The following SLC16A12 variants were observed in gnomAD, a reference collection of about 807,000 sequenced individuals.
The protein encoded by SLC16A12 is monocarboxylate transporter 12.
In SLC16A12, 17 loss-of-function variants were observed where a neutral mutation model predicts 42.4. The ratio of observed to expected loss-of-function variants is 0.40; its 90% CI spans 0.27 to 0.60. The LOEUF (loss-of-function observed/expected upper bound fraction) is 0.60, where lower values mean the gene tolerates loss of function less well. SLC16A12 is among the 20% of genes least tolerant of loss of function. The pLI is 0.42. For synonymous variants in SLC16A12, 224 were observed against 229.4 expected, an observed-to-expected ratio of 0.98 and a Z score of 0.21; for missense variants, 544 against 623.0, an observed-to-expected ratio of 0.87 and a Z score of 1.35.
chr10:89,521,892 T>A (rs1223062287), intron 2 of SLC16A12, among the ~76,000 whole-genome samples: 2 of 152,246 alleles, frequency 1.3e-5, no homozygotes, highest in East Asian at 1.9e-4. Flanking sequence ...TCTATTGAGA[T>A]CATCAAGTGG....
chr10:89,491,330 G>A (rs193048970), intron 2 of SLC16A12, among the ~76,000 whole-genome samples: 165 of 152,244 alleles, frequency 1.1e-3, no homozygotes, highest in African/African-American at 3.2e-3. Context: ...CCTCACAGGT[G>A]TGTGCCTAGA....
intron 2 of SLC16A12, among the ~76,000 whole-genome samples, chr10:89,488,429 G>C (rs572545408): frequency 4.6e-5 from 7 of 152,282 alleles, no homozygotes; most frequent in African/African-American, 1.7e-4. Context: ...CAGCAGCATG[G>C]TACCACACCT....
At chr10:89,457,066 G>T (rs2133731301) in intron 3 of SLC16A12, among the ~76,000 whole-genome samples, 1 of 152,124 alleles carries the variant, frequency 6.6e-6, no homozygotes, top group African/African-American at 2.4e-5. Context: ...ATTCCTTTGG[G>T]TATATACCCC....
intron 5 of SLC16A12, among the ~76,000 whole-genome samples, chr10:89,439,999 C>T (rs1050113628): frequency 7.4e-6 from 1 of 134,882 alleles, no homozygotes; most frequent in Admixed American, 8.8e-5. Context: ...GGCTTGAGCC[C>T]AGGAGACAGA....
chr10:89,527,846 G>A (rs1358944935), intron 2 of SLC16A12, among the ~76,000 whole-genome samples: 2 of 149,224 alleles, frequency 1.3e-5, no homozygotes, highest in South Asian at 2.2e-4. Context: ...GAAAAAAAGA[G>A]GTGAATTCTA....
intron 2 of SLC16A12, among the ~76,000 whole-genome samples, chr10:89,486,664 A>AAAGAAAGAAAGAAAAG (rs1564585989): frequency 8.5e-5 from 8 of 94,122 alleles, no homozygotes; most frequent in African/African-American, 3.6e-4. Context: ...AGAAAGAAAG[A>AAAGAAAGAAAGAAAAG]AAAGAAAGAA....
intron 2 of SLC16A12, among the ~76,000 whole-genome samples, chr10:89,486,167 C>T (rs1842738303): frequency 6.6e-6 from 1 of 152,072 alleles, no homozygotes; most frequent in Admixed American, 6.6e-5. Flanking sequence ...GGGAAGATGA[C>T]CCGTGTCTTG....
In SLC16A12 at chr10:89,535,428, G is replaced by T; in HGVS notation, c.-187+14C>A. The T allele has an allele frequency of 6.5e-6, 1 of 153,214 alleles. No individual in the cohort carries two copies. The highest frequency in any genetic ancestry group is 1.5e-5 in the Non-Finnish European group (1 of 68,886). 9.5% of individuals were successfully genotyped at this position (153,214 alleles called of 1,614,324 possible). A position where few individuals can be genotyped will look rare whatever the true frequency, so the allele number is the denominator to read the frequency against. On this transcript the variant is annotated intron_variant, in intron 1 of 7. Transcript: ENST00000371790. ...GCCGTCCCGCCGCCCTTCCTTGAAG[G>T]ATGCCCGTGTCACCTGAGCCACCGC...
rs1386986122 is a variant in SLC16A12, at chr10:89,514,246, C to T, written c.-47+20255G>A. On this transcript the variant is annotated intron_variant, in intron 2 of 7. Coordinates refer to ENST00000371790, the MANE Select transcript of SLC16A12 (RefSeq NM_213606.4). ...GATTAGGAAGGGTTAGGAAAAGAGG[C>T]GGTTGCAAGGAAATTGAGAAAGTGT... Among the ~76,000 whole-genome samples, 3 of 152,124 alleles carry T rather than the reference C, an allele frequency of 2.0e-5. No individual in the cohort carries two copies. The East Asian group carries it at 5.8e-4, about 29-fold the overall frequency.
intron 3 of SLC16A12, among the ~76,000 whole-genome samples, chr10:89,450,278 A>G (rs1842072668): frequency 6.6e-6 from 1 of 152,254 alleles, no homozygotes; most frequent in South Asian, 2.1e-4. Context: ...CCAAAGGATT[A>G]TAAATGATGC....
chr10:89,469,982 G>A (rs1027124069), intron 2 of SLC16A12, among the ~76,000 whole-genome samples: 2 of 151,862 alleles, frequency 1.3e-5, no homozygotes, highest in Admixed American at 1.3e-4. Context: ...CTTTTTTTAG[G>A]CATTTCTGAA....
At chr10:89,520,623 G>A (rs1843335423) in intron 2 of SLC16A12, among the ~76,000 whole-genome samples, 1 of 150,810 alleles carries the variant, frequency 6.6e-6, no homozygotes, top group Non-Finnish European at 1.5e-5. Flanking sequence ...AATCACCCAT[G>A]CAGTTAGCCC....
intron 2 of SLC16A12, among the ~76,000 whole-genome samples, chr10:89,500,154 T>C (rs372767589): frequency 4.6e-5 from 7 of 151,888 alleles, no homozygotes; most frequent in Admixed American, 4.6e-4. Flanking sequence ...ATTTTAAAAA[T>C]ACCAACAAAA....
intron 2 of SLC16A12, among the ~76,000 whole-genome samples, chr10:89,510,172 T>C (rs1388944286): frequency 6.6e-6 from 1 of 152,184 alleles, no homozygotes; most frequent in South Asian, 2.1e-4. Flanking sequence ...AAGTAATTTA[T>C]AGAGTCAATG....
intron 5 of SLC16A12, among the ~76,000 whole-genome samples, 187 bp from the exon 6 acceptor site, chr10:89,439,370 T>C (rs995967196): frequency 6.6e-6 from 1 of 152,220 alleles, no homozygotes; most frequent in Non-Finnish European, 1.5e-5. Context: ...GTAGAATATA[T>C]ATGACTTTCT....
intron 2 of SLC16A12, among the ~76,000 whole-genome samples, chr10:89,496,859 T>C (rs1222035483): frequency 2.0e-5 from 3 of 152,092 alleles, no homozygotes; most frequent in African/African-American, 7.2e-5. Context: ...ATCTGCAACA[T>C]GTATAACCAA....
chr10:89,536,994 C>A (rs1403609487), upstream of SLC16A12, among the ~76,000 whole-genome samples: 1 of 151,864 alleles, frequency 6.6e-6, no homozygotes, highest in Non-Finnish European at 1.5e-5. Flanking sequence ...CGTGCCACCA[C>A]GCCCAGCTAA....
At chr10:89,462,180 A>G (rs943942468) in intron 3 of SLC16A12, among the ~76,000 whole-genome samples, 199 bp downstream of exon 3, 5 of 152,122 alleles carry the variant, frequency 3.3e-5, no homozygotes, top group Non-Finnish European at 5.9e-5. Context: ...TGAAAAGACC[A>G]CTATCTGGGA....
intron 2 of SLC16A12, among the ~76,000 whole-genome samples, chr10:89,530,017 TC>T (rs1843519675): frequency 1.3e-5 from 2 of 152,062 alleles, no homozygotes; most frequent in South Asian, 4.1e-4. Context: ...AAAAGCAGAG[TC>T]AAAAAGTTGA....
Sources: allele counts gnomAD v4.1 joint callset (sites outside exome capture counted in the v4.1 genomes callset), GRCh38; gene constraint gnomAD v4.1.1; transcripts MANE v1.5; gene names NCBI Gene and HGNC (gene_info 2026-07-23, HGNC 2026-07-21).